The following ASIC2 variants were observed in gnomAD, a reference collection of about 807,000 sequenced individuals.
ASIC2 encodes acid sensing ion channel subunit 2, also known as acid-sensing ion channel 2.
In ASIC2, 25 loss-of-function variants were observed where a neutral mutation model predicts 57.3. The observed-to-expected ratio is 0.44, with a 90% CI of 0.32 to 0.61. The LOEUF is 0.61. ASIC2 is among the 20% of genes least tolerant of loss of function. ASIC2 has a pLI of 0.06. For synonymous variants in ASIC2, 319 were observed against 307.5 expected (o/e 1.04, Z -0.39); for missense variants, 641 against 738.1 (o/e 0.87, Z 1.52).
intron 1 of ASIC2, among the ~76,000 whole-genome samples, chr17:34,133,413 G>A (rs1057293928): frequency 2.0e-5 from 3 of 152,230 alleles, no homozygotes; most frequent in African/African-American, 7.2e-5. Context: ...AATCCCTCAT[G>A]CTCTGGAATT....
intron 1 of ASIC2, among the ~76,000 whole-genome samples, chr17:34,075,578 T>C (rs1909605178): frequency 6.6e-6 from 1 of 152,128 alleles, no homozygotes; most frequent in African/African-American, 2.4e-5. Context: ...CCATTAGCCT[T>C]TCCTGACTCC....
intron 1 of ASIC2, among the ~76,000 whole-genome samples, chr17:33,992,160 C>T (rs1306460086): frequency 2.0e-5 from 3 of 152,168 alleles, no homozygotes; most frequent in African/African-American, 2.4e-5. Context: ...AAGCTATCCA[C>T]CATACTTTAA....
intron 1 of ASIC2, among the ~76,000 whole-genome samples, chr17:34,107,699 T>A (rs778192584): frequency 1.1e-4 from 17 of 152,224 alleles, no homozygotes; most frequent in Non-Finnish European, 1.9e-4. Context: ...CAAGTTGTGT[T>A]CATAAGGTAC....
chr17:34,061,586 T>G (rs190536690), intron 1 of ASIC2, among the ~76,000 whole-genome samples: 179 of 152,270 alleles, frequency 1.2e-3, no homozygotes, highest in African/African-American at 4.3e-3. Flanking sequence ...AACCACAGAA[T>G]GGATAAGAAC....
At chr17:33,957,192 C>A (rs761867832) in intron 1 of ASIC2, among the ~76,000 whole-genome samples, 2 of 152,266 alleles carry the variant, frequency 1.3e-5, no homozygotes, top group East Asian at 1.9e-4. Context: ...GCTCTGAATT[C>A]GACTCTGACC....
chr17:34,120,739 C>CT (rs869228239), intron 1 of ASIC2, among the ~76,000 whole-genome samples: 1,857 of 70,028 alleles, frequency 0.027, 71 homozygotes, highest in African/African-American at 0.074. Flanking sequence ...TTTTTTTTTT[C>CT]TTTTTTTTTT....
At chr17:33,536,483 T>C (rs1311158555) in intron 1 of ASIC2, among the ~76,000 whole-genome samples, 1 of 152,190 alleles carries the variant, frequency 6.6e-6, no homozygotes, top group Non-Finnish European at 1.5e-5. Flanking sequence ...CAAAATAAGG[T>C]CACCCTGCTC....
At chr17:34,007,535 G>A (rs748635659) in intron 1 of ASIC2, among the ~76,000 whole-genome samples, 2 of 152,162 alleles carry the variant, frequency 1.3e-5, no homozygotes, top group Non-Finnish European at 2.9e-5. Context: ...ACATTATCTG[G>A]CATTCAACAT....
chr17:33,975,697 T>C (rs1905362222), intron 1 of ASIC2, among the ~76,000 whole-genome samples: 1 of 152,080 alleles, frequency 6.6e-6, no homozygotes, highest in Admixed American at 6.5e-5. Flanking sequence ...CCATCAATAA[T>C]TTCCTCTCCT....
At chr17:34,021,059 G>C (rs1222161583) in intron 1 of ASIC2, among the ~76,000 whole-genome samples, 1 of 151,966 alleles carries the variant, frequency 6.6e-6, no homozygotes, top group Non-Finnish European at 1.5e-5. Context: ...GCCATCATAA[G>C]AATGATACGG....
At chr17:33,435,965 C>T (rs1358500338) in intron 1 of ASIC2, among the ~76,000 whole-genome samples, 1 of 152,206 alleles carries the variant, frequency 6.6e-6, no homozygotes, top group Non-Finnish European at 1.5e-5. Context: ...CGGGAGAAAT[C>T]AGGTCAGATG....
intron 1 of ASIC2, among the ~76,000 whole-genome samples, chr17:33,513,030 G>A (rs556848943): frequency 8.5e-5 from 13 of 152,240 alleles, no homozygotes; most frequent in South Asian, 2.1e-4. Flanking sequence ...TGCATTATAC[G>A]AAATAGTTTT....
chr17:33,682,249 T>G (rs1196351769), intron 1 of ASIC2, among the ~76,000 whole-genome samples: 1 of 151,386 alleles, frequency 6.6e-6, no homozygotes, highest in Non-Finnish European at 1.5e-5. Context: ...TTATTTTTAG[T>G]AGAGACGGGG....
intron 1 of ASIC2, among the ~76,000 whole-genome samples, chr17:33,922,276 A>T (rs1178424949): frequency 6.7e-6 from 1 of 149,454 alleles, no homozygotes; most frequent in Non-Finnish European, 1.5e-5. Flanking sequence ...TAAGGTGAGG[A>T]CTCCCTCCCT....
chr17:33,852,156 C>T (rs551662391), intron 1 of ASIC2, among the ~76,000 whole-genome samples: 2 of 152,212 alleles, frequency 1.3e-5, no homozygotes, highest in Non-Finnish European at 2.9e-5. Flanking sequence ...CAGCATCTAT[C>T]CATCATCAAG....
At chr17:33,398,271 C>T (rs1910151614) in intron 1 of ASIC2, among the ~76,000 whole-genome samples, 1 of 152,088 alleles carries the variant, frequency 6.6e-6, no homozygotes, top group Non-Finnish European at 1.5e-5. Flanking sequence ...TTAGAATGGG[C>T]CCCGGAATAT....
At chr17:33,161,790 C>A (rs1905167266) in intron 1 of ASIC2, among the ~76,000 whole-genome samples, 1 of 148,054 alleles carries the variant, frequency 6.8e-6, no homozygotes, top group Non-Finnish European at 1.5e-5. Flanking sequence ...TGGTTTCATT[C>A]TGCACACAGG....
chr17:33,939,473 T>C (rs1916137769), intron 1 of ASIC2, among the ~76,000 whole-genome samples: 1 of 152,200 alleles, frequency 6.6e-6, no homozygotes, highest in South Asian at 2.1e-4. Flanking sequence ...TCACAAAGCA[T>C]GTCAGCTGAG....
chr17:33,371,133 T>C, intron 1 of ASIC2, among the ~76,000 whole-genome samples: 1 of 152,242 alleles, frequency 6.6e-6, no homozygotes, highest in Non-Finnish European at 1.5e-5. Context: ...ATTATTGTCT[T>C]TAAAGCAAAA....
Sources: allele counts gnomAD v4.1 joint callset (sites outside exome capture counted in the v4.1 genomes callset), GRCh38; gene constraint gnomAD v4.1.1; transcripts MANE v1.5; gene names NCBI Gene and HGNC (gene_info 2026-07-23, HGNC 2026-07-21).